The following SAGE1 variants were observed in gnomAD, a reference collection of about 807,000 sequenced individuals.
SAGE1 encodes the protein cancer/testis antigen 14.
Under a neutral mutation model 55.4 loss-of-function variants are expected in SAGE1, and 55 were observed. The ratio of observed to expected loss-of-function variants is 0.99; its 90% CI spans 0.80 to 1.24. The LOEUF is 1.24. Ranked by LOEUF, SAGE1 falls within the 50% of genes most tolerant of loss-of-function variation. SAGE1 has a pLI of 0.00. For missense variants in SAGE1, 710 were observed against 704.4 expected, an observed-to-expected ratio of 1.01 and a Z score of -0.09; for synonymous variants, 240 against 244.3, an observed-to-expected ratio of 0.98 and a Z score of 0.17.
rs782311735 is a variant in SAGE1, at chrX:135,907,751, C to T, written c.1069C>T (p.Pro357Ser). ...VCEERVVNNQ[P>S]LPSNALSTVL... ...TGAAGAGAGAGTGGTAAATAACCAA[C>T]CACTACCTAGTAACGCCTTGTCAAC... Residue 357 changes from proline (P) to serine (S), a missense_variant, in exon 10 of 20, where the codon CCA becomes TCA. By Grantham distance (74) the Pro-to-Ser change is moderately conservative (BLOSUM62 -1). Transcript: ENST00000370709. The T allele has an allele frequency of 3.0e-5, 36 of 1,208,785 alleles. No individual in the cohort carries two copies. Among genetic ancestry groups the T allele is most frequent in the Non-Finnish European group, 3.5e-5 (31 of 893,033 alleles).
intron 9 of SAGE1, 31 bp downstream of exon 9, chrX:135,907,484 G>A (rs369907968): frequency 1.7e-6 from 2 of 1,163,880 alleles, no homozygotes; most frequent in Non-Finnish European, 2.3e-6. Flanking sequence ...TAGTGTCCTA[G>A]TTGGTTTACA....
chrX:135,911,938 C>A lies in SAGE1; in HGVS notation c.2506C>A (p.Arg836=). Residue 836 remains arginine (R), a synonymous_variant, in exon 18 of 20, where the codon CGA becomes AGA. Coordinates refer to ENST00000370709, the MANE Select transcript of SAGE1 (RefSeq NM_001381902.1). ...DIKYQLMKEV[R]RFGQNYERIF... is the part of the protein sequence containing the mutation. The stretch of plus-strand genomic sequence containing the variant: ...AAAATATCAATTAATGAAAGAAGTT[C>A]GAAGGTTTGGGCAAAGTAAGTACTG... The A allele has an allele frequency of 8.3e-7, 1 of 1,208,088 alleles. No individual in the cohort carries two copies. Among genetic ancestry groups the A allele is most frequent in the East Asian group, 3.0e-5 (1 of 33,820 alleles).
At position 135,910,184 on chromosome X, in the gene SAGE1, C is replaced by T; in HGVS notation, c.1864+14C>T. On this transcript the variant is annotated intron_variant, in intron 15 of 19. Coordinates refer to ENST00000370709, the MANE Select transcript of SAGE1 (RefSeq NM_001381902.1). ...CCAGGGATCAGTGTAAGTTTATTCA[C>T]TTGTTGTACTGTCATACTTGGTTTC... 2 of 1,191,389 alleles carry T rather than the reference C, an allele frequency of 1.7e-6. No homozygotes were observed. The highest frequency in any genetic ancestry group is 2.3e-6 in the Non-Finnish European group (2 of 879,716).
chrX:135,907,378 G>T lies in SAGE1; in HGVS notation c.943G>T (p.Val315Leu). Residue 315 changes from valine to leucine, a missense_variant, in exon 9 of 20, where the codon GTA (valine) becomes TTA (leucine). Transcript: ENST00000370709. The part of the protein sequence containing the change: ...MENDQPQPNN[V>L]LSTVQPVIIY... The stretch of plus-strand genomic sequence containing the variant: ...AAATGACCAACCGCAACCTAATAAC[G>T]TATTGTCAACTGTTCAACCAGTGAT... The T allele has an allele frequency of 8.3e-7, 1 of 1,206,352 alleles. No homozygotes were observed. The highest frequency in any genetic ancestry group is 1.1e-6 in the Non-Finnish European group (1 of 891,067).
chrX:135,895,325 C>A (rs1205205677), intron 1 of SAGE1, among the ~76,000 whole-genome samples: 1 of 111,879 alleles, frequency 8.9e-6, no homozygotes, highest in Non-Finnish European at 1.9e-5. Context: ...GGATAATTGG[C>A]AACAGTTTAC....
At chrX:135,912,003 T>C (rs1556606882) in intron 18 of SAGE1, 50 bp downstream of exon 18, 1 of 1,187,075 alleles carries the variant, frequency 8.4e-7, no homozygotes, top group Non-Finnish European at 1.1e-6. Flanking sequence ...AGTGTCTCAT[T>C]CTATGATTTA....
rs2088822228 is a variant in SAGE1, at chrX:135,907,756, A to G, written c.1074A>G (p.Leu358=). The G allele has an allele frequency of 3.3e-6, 4 of 1,207,751 alleles. No homozygotes were observed. Among genetic ancestry groups the G allele is most frequent in the Non-Finnish European group, 4.5e-6 (4 of 892,373 alleles). The change falls in exon 10 of 20, where the codon CTA becomes CTG. Residue 358 remains leucine (L), a synonymous_variant. Coordinates refer to ENST00000370709, the MANE Select transcript of SAGE1 (RefSeq NM_001381902.1). ...CEERVVNNQP[L]PSNALSTVLP... ...AGAGAGTGGTAAATAACCAACCACT[A>G]CCTAGTAACGCCTTGTCAACTGTTC...
At chrX:135,905,530 C>T (rs1437617059) in intron 5 of SAGE1, 138 bp downstream of exon 5, 2 of 543,032 alleles carry the variant, frequency 3.7e-6, no homozygotes, top group African/African-American at 4.6e-5. Context: ...CCTGGCAAAT[C>T]CTCCCCTGAT....
rs782583431 is a variant in SAGE1 at position 135,906,685 on chromosome X, T to C, written c.736+134T>C. 2.1e-4 allele frequency: 164 copies of C among 784,259 alleles called. 1 individual carries two copies. The South Asian group carries it at 2.6e-3, about 12-fold the overall frequency. The allele number at this position is 784,259 out of a possible 1,213,427, so 64.6% of individuals were successfully genotyped here. ...CATGAGTACCAGGGATCCATGTAAG[T>C]TTGTTTATTTGTATTACTGTCCTAC... On this transcript the variant is annotated intron_variant, in intron 7 of 19. Coordinates refer to ENST00000370709, the MANE Select transcript of SAGE1 (RefSeq NM_001381902.1).
At chrX:135,899,096 AT>A (rs1223609486) in intron 2 of SAGE1, among the ~76,000 whole-genome samples, 3 of 109,256 alleles carry the variant, frequency 2.7e-5, no homozygotes, top group South Asian at 7.7e-4. Flanking sequence ...AGTATTGCCT[AT>A]TTTTTTTTCT....
In SAGE1 at chrX:135,912,307, T is replaced by A. The variant is rs1257290335; in HGVS notation, c.2522-14T>A. On this transcript the variant is annotated splice_polypyrimidine_tract_variant and intron_variant, in intron 18 of 19. Transcript: ENST00000370709. ...TTGTAATTGTAGAAATACTAATTTT[T>A]AAAATATCTTCAGATTATGAAAGAA... 8.5e-7 allele frequency: 1 copy of A among 1,180,274 alleles called. No homozygotes were observed. The highest frequency in any genetic ancestry group is 3.0e-5 in the East Asian group (1 of 33,529).
intron 16 of SAGE1, 117 bp from the exon 17 acceptor site, chrX:135,911,075 G>C: frequency 1.2e-6 from 1 of 813,116 alleles, no homozygotes; most frequent in Non-Finnish European, 1.8e-6. Flanking sequence ...ATTGCCACCT[G>C]GTATATCCTC....
intron 12 of SAGE1, 63 bp from the exon 13 acceptor site, chrX:135,908,799 GAT>G (rs1176842986): frequency 7.9e-6 from 9 of 1,145,397 alleles, no homozygotes; most frequent in Non-Finnish European, 1.1e-5. Flanking sequence ...TCATCAGTGG[GAT>G]ATATCGGTGG....
chrX:135,900,647 C>T (rs2088658830), intron 2 of SAGE1, among the ~76,000 whole-genome samples: 1 of 111,054 alleles, frequency 9.0e-6, no homozygotes, highest in African/African-American at 3.3e-5. Context: ...AGTTAACATA[C>T]ATACTATACC....
chrX:135,903,154 C>T (rs1207737182), intron 3 of SAGE1, among the ~76,000 whole-genome samples: 1 of 111,576 alleles, frequency 9.0e-6, no homozygotes, highest in African/African-American at 3.3e-5. Context: ...CTGTAGTGCC[C>T]GGTCCATCCC....
At chrX:135,911,507 A>G in intron 17 of SAGE1, 72 bp from the exon 18 acceptor site, 8 of 911,515 alleles carry the variant, frequency 8.8e-6, no homozygotes, top group Non-Finnish European at 1.3e-5. Flanking sequence ...GAAACTGGGC[A>G]TCGGAGGGAT....
chrX:135,900,257 G>T (rs1380656211), intron 2 of SAGE1, among the ~76,000 whole-genome samples: 1 of 111,585 alleles, frequency 9.0e-6, no homozygotes, highest in Non-Finnish European at 1.9e-5. Flanking sequence ...TAAGCGTGTG[G>T]TTTTTGTCTT....
At chrX:135,897,860 GC>G (rs2088610234) in intron 2 of SAGE1, among the ~76,000 whole-genome samples, 1 of 109,760 alleles carries the variant, frequency 9.1e-6, no homozygotes, top group Non-Finnish European at 1.9e-5. Flanking sequence ...AGTGTGTGTT[GC>G]CCTGCCCGAC....
chrX:135,905,766 G>A (rs782613673), intron 5 of SAGE1, among the ~76,000 whole-genome samples: 8 of 112,263 alleles, frequency 7.1e-5, no homozygotes, highest in Non-Finnish European at 1.3e-4. Context: ...TTCCACCCCT[G>A]AGTACCAGGG....
Sources: gnomAD v4.1 joint callset for allele counts (sites outside exome capture counted in the v4.1 genomes callset) on GRCh38, gnomAD v4.1.1 for gene constraint, MANE v1.5 for transcripts, NCBI Gene and HGNC (gene_info 2026-07-23, HGNC 2026-07-21) for gene names.